CDH7: variants seen among roughly 807,000 people sequenced by gnomAD.
The protein encoded by CDH7 is cadherin-7.
A neutral mutation model predicts 71.8 loss-of-function variants in CDH7; 25 were observed. That is an observed-to-expected ratio of 0.35 (90% CI 0.25 to 0.49). The LOEUF (loss-of-function observed/expected upper bound fraction) is 0.49. Among genes scored for constraint, CDH7 ranks in the 20% least tolerant of loss-of-function variants. The pLI is 0.99. For missense variants in CDH7, 862 were observed against 974.6 expected (o/e 0.88, Z 1.54); for synonymous variants, 381 against 363.8 (o/e 1.05, Z -0.54).
intron 7 of CDH7, among the ~76,000 whole-genome samples, chr18:65,854,895 C>T (rs1294389240): frequency 2.7e-5 from 4 of 148,966 alleles, no homozygotes; most frequent in Non-Finnish European, 4.4e-5. Flanking sequence ...CATACATATA[C>T]GTATGTATGT....
chr18:65,826,240 C>A (rs1202456903), intron 6 of CDH7, among the ~76,000 whole-genome samples: 2 of 150,862 alleles, frequency 1.3e-5, no homozygotes, highest in African/African-American at 4.8e-5. Flanking sequence ...TTGATTCTAA[C>A]TTATAACAAT....
intron 11 of CDH7, among the ~76,000 whole-genome samples, chr18:65,874,203 T>C (rs1378233930): frequency 5.3e-5 from 8 of 152,176 alleles, no homozygotes; most frequent in Admixed American, 5.2e-4. Context: ...CACTAAACAA[T>C]GGATTAAACT....
chr18:65,811,449 G>A (rs1228332052), intron 3 of CDH7, among the ~76,000 whole-genome samples: 1 of 152,140 alleles, frequency 6.6e-6, no homozygotes, highest in East Asian at 1.9e-4. Context: ...AACCACAGTG[G>A]CATGATCTTA....
At chr18:65,787,814 A>G (rs1910569715) in intron 2 of CDH7, among the ~76,000 whole-genome samples, 1 of 152,174 alleles carries the variant, frequency 6.6e-6, no homozygotes, top group African/African-American at 2.4e-5. Flanking sequence ...CTACAATACT[A>G]CAATTTTTAA....
intron 2 of CDH7, among the ~76,000 whole-genome samples, chr18:65,795,552 A>G (rs1252923749): frequency 6.6e-6 from 1 of 152,214 alleles, no homozygotes; most frequent in Non-Finnish European, 1.5e-5. Flanking sequence ...GAGAAAATGT[A>G]TAACGTTGTA....
In CDH7 at chr18:65,782,162, CTT is replaced by C. The variant is rs1568182719; in HGVS notation, c.210+19111_210+19112del. 9.4e-5 allele frequency among the ~76,000 whole-genome samples: 10 copies of C among 106,480 alleles called. 1 individual carries two copies. The highest frequency in any genetic ancestry group is 4.4e-4 in the African/African-American group (9 of 20,500). 69.9% of individuals were successfully genotyped at this position (106,480 alleles called of 152,430 possible). A position where few individuals can be genotyped will look rare whatever the true frequency, so the allele number is the denominator to read the frequency against. On this transcript the variant is annotated intron_variant, in intron 2 of 11. Transcript: ENST00000397968. Reference sequence around the variant, plus strand: ...TCTTTCTTTCTTTCTTTCTTTCTTTCTTCCTTTCTTTCTTTCTTTCTTTCTTG... The same window carrying C: ...TCTTTCTTTCTTTCTTTCTTTCTTTCCCTTTCTTTCTTTCTTTCTTTCTTG...
At chr18:65,810,056 T>G in intron 3 of CDH7, 58 bp downstream of exon 3, 1 of 1,406,508 alleles carries the variant, frequency 7.1e-7, no homozygotes, top group Non-Finnish European at 9.8e-7. Flanking sequence ...GATTTGTATT[T>G]AAAATTAAAT....
chr18:65,855,189 C>T (rs534064625), intron 7 of CDH7, among the ~76,000 whole-genome samples: 2 of 151,856 alleles, frequency 1.3e-5, no homozygotes, highest in East Asian at 1.9e-4. Context: ...ATTAGAAAAA[C>T]ATTAGTAGAA....
At chr18:65,834,402 A>G (rs747244603) in intron 6 of CDH7, among the ~76,000 whole-genome samples, 1 of 152,216 alleles carries the variant, frequency 6.6e-6, no homozygotes, top group Non-Finnish European at 1.5e-5. Flanking sequence ...CAAAGAGACC[A>G]TTGATAACAT....
At chr18:65,876,770 G>C (rs149437387) in intron 11 of CDH7, among the ~76,000 whole-genome samples, 35 of 152,168 alleles carry the variant, frequency 2.3e-4, no homozygotes, top group African/African-American at 8.4e-4. Context: ...TAAGGTCCAT[G>C]AGTAAATGTT....
rs150661165 is a variant in CDH7, at chr18:65,880,531, G to A, written c.1995G>A (p.Ala665=). ...DEGGGEEDTE[A]FDMAALRNLN... ...GCGGGGGAGAGGAGGACACGGAAGC[G>A]TTTGACATGGCTGCACTGAGAAACC... The change falls in exon 12 of 12, where the codon GCG becomes GCA. Residue 665 remains alanine, a synonymous_variant. Transcript: ENST00000397968. The A allele has an allele frequency of 6.8e-6, 11 of 1,613,598 alleles. No individual in the cohort carries two copies. The highest frequency in any genetic ancestry group is 1.1e-5 in the South Asian group (1 of 91,042).
chr18:65,789,325 T>C (rs531174852), intron 2 of CDH7, among the ~76,000 whole-genome samples: 2 of 152,320 alleles, frequency 1.3e-5, no homozygotes, highest in South Asian at 4.2e-4. Context: ...AAGCAGCTTA[T>C]GCAAAGGCGT....
chr18:65,754,484 C>T (rs1237057047), intron 1 of CDH7, among the ~76,000 whole-genome samples: 1 of 152,058 alleles, frequency 6.6e-6, no homozygotes, highest in East Asian at 1.9e-4. Flanking sequence ...AAAATTATAC[C>T]TTTTAAGTAC....
intron 4 of CDH7, among the ~76,000 whole-genome samples, chr18:65,820,388 T>C (rs1911880170): frequency 6.6e-6 from 1 of 152,038 alleles, no homozygotes; most frequent in Admixed American, 6.6e-5. Context: ...ACTAGTTCAG[T>C]CATATGATAT....
intron 4 of CDH7, among the ~76,000 whole-genome samples, chr18:65,817,247 A>C (rs1911754256): frequency 6.6e-6 from 1 of 152,134 alleles, no homozygotes; most frequent in Non-Finnish European, 1.5e-5. Flanking sequence ...TACCTATTAC[A>C]TCATAATTTT....
In CDH7 at chr18:65,881,133, T is replaced by G; in HGVS notation, c.*239T>G. Reference sequence around the variant, plus strand: ...CAGACTCTGAGCATTTGAAGGTTTTTTGATAAAAATAAATGCTCAGTGGTT... The same window carrying G: ...CAGACTCTGAGCATTTGAAGGTTTTGTGATAAAAATAAATGCTCAGTGGTT... On this transcript the variant is annotated 3_prime_UTR_variant, in exon 12 of 12. Coordinates refer to ENST00000397968, the MANE Select transcript of CDH7 (RefSeq NM_004361.5). 2 of 377,134 alleles carry G rather than the reference T, an allele frequency of 5.3e-6. No homozygotes were observed. The highest frequency in any genetic ancestry group is 4.7e-6 in the Non-Finnish European group (1 of 212,758). 23.4% of individuals were successfully genotyped at this position (377,134 alleles called of 1,614,324 possible).
chr18:65,826,547 CT>C (rs1170266795), intron 6 of CDH7, among the ~76,000 whole-genome samples: 1 of 81,070 alleles, frequency 1.2e-5, no homozygotes, highest in African/African-American at 3.4e-5. Flanking sequence ...AGTATCCAAA[CT>C]TTTACAAAGT....
At chr18:65,751,331 A>G (rs1333250911) in intron 1 of CDH7, among the ~76,000 whole-genome samples, 181 bp downstream of exon 1, 2 of 152,240 alleles carry the variant, frequency 1.3e-5, no homozygotes, top group South Asian at 2.1e-4. Context: ...TCTGCAAGGC[A>G]GGACAGGCTT....
At chr18:65,765,537 A>G (rs1408305236) in intron 2 of CDH7, among the ~76,000 whole-genome samples, 3 of 151,578 alleles carry the variant, frequency 2.0e-5, no homozygotes, top group East Asian at 3.9e-4. Context: ...AATAAAAATT[A>G]TAGAAGAAGA....
Sources: gnomAD v4.1 joint callset for allele counts (sites outside exome capture counted in the v4.1 genomes callset) on GRCh38, gnomAD v4.1.1 for gene constraint, MANE v1.5 for transcripts, NCBI Gene and HGNC (gene_info 2026-07-23, HGNC 2026-07-21) for gene names.